Variants in IL34 observed in about 807,000 individuals in gnomAD.
IL34 encodes interleukin 34.
IL34 carries 17 observed loss-of-function variants against 25.3 expected under a neutral mutation model. The ratio of observed to expected loss-of-function variants is 0.67; its 90% CI spans 0.46 to 1.01. IL34 has a LOEUF of 1.01. IL34 is among the 50% of genes least tolerant of loss of function. IL34 has a pLI of 0.00. For synonymous variants in IL34, 174 were observed against 140.9 expected, an observed-to-expected ratio of 1.23 and a Z score of -1.66; for missense variants, 368 against 312.9, an observed-to-expected ratio of 1.18 and a Z score of -1.33.
chr16:70,583,311 C>T (rs894101468), intron 1 of IL34, among the ~76,000 whole-genome samples: 1 of 151,938 alleles, frequency 6.6e-6, no homozygotes, highest in East Asian at 1.9e-4. Context: ...TGGGGCTTCT[C>T]CATGTTGCCC....
chr16:70,589,428 C>T (rs1338596232), intron 1 of IL34, among the ~76,000 whole-genome samples: 1 of 152,022 alleles, frequency 6.6e-6, no homozygotes, highest in Non-Finnish European at 1.5e-5. Context: ...TGTCTGTTGT[C>T]CCCTCTATGT....
At chr16:70,622,119 GCTGGTCTGTTATCAGA>G (rs988348546) in intron 1 of IL34, among the ~76,000 whole-genome samples, 3 of 151,972 alleles carry the variant, frequency 2.0e-5, no homozygotes, top group Non-Finnish European at 2.9e-5. Flanking sequence ...ACTAATAAAG[GCTGGTCTGTTATCAGA>G]CTGTATAGAG....
chr16:70,629,315 C>CT (rs1339875386), intron 1 of IL34, among the ~76,000 whole-genome samples: 1 of 152,142 alleles, frequency 6.6e-6, no homozygotes, highest in Non-Finnish European at 1.5e-5. Flanking sequence ...AAATGCTGGC[C>CT]TTTATCTGAG....
intron 1 of IL34, among the ~76,000 whole-genome samples, chr16:70,626,869 C>T (rs2051405340): frequency 6.6e-6 from 1 of 152,078 alleles, no homozygotes; most frequent in African/African-American, 2.4e-5. Context: ...TTATCATGAG[C>T]TCTTTTCTCT....
intron 1 of IL34, among the ~76,000 whole-genome samples, chr16:70,633,146 G>A (rs1185009434): frequency 1.2e-4 from 18 of 147,136 alleles, no homozygotes; most frequent in Non-Finnish European, 1.5e-5. Flanking sequence ...TGTATTTTTA[G>A]TAGAGACAGG....
chr16:70,654,548 C>G lies in IL34; in HGVS notation c.39C>G (p.Ile13Met). ...RGFTWLRYLGIFLGVALGNEP... is the reference protein window; with the variant it reads ...RGFTWLRYLGMFLGVALGNEP... The stretch of plus-strand genomic sequence containing the variant: ...GGGTGTGGTCCACAGATCTTGGGAT[C>G]TTCCTTGGCGTGGCCTTGGGGAATG... The change falls in exon 2 of 6, where the codon ATC becomes ATG. Residue 13 changes from isoleucine (I) to methionine (M), a missense_variant. Transcript: ENST00000288098. The G allele has an allele frequency of 6.2e-7, 1 of 1,609,944 alleles. No individual in the cohort carries two copies. Among genetic ancestry groups the G allele is most frequent in the Non-Finnish European group, 8.5e-7 (1 of 1,176,974 alleles).
intron 1 of IL34, among the ~76,000 whole-genome samples, chr16:70,629,319 A>T (rs2051465576): frequency 6.6e-6 from 1 of 152,162 alleles, no homozygotes; most frequent in Admixed American, 6.5e-5. Flanking sequence ...GCTGGCCTTT[A>T]TCTGAGGTTG....
rs1017958043 is a variant in IL34, at chr16:70,601,365, C to T, written c.-401+21316C>T. On this transcript the variant is annotated intron_variant, in intron 1 of 6. Coordinates refer to the IL34 transcript ENST00000429149. ...CAAGGGATCCTCCCACCTCGGCCTT[C>T]CAAAGTGCTGGGATTACAGGTGTGC... Among the ~76,000 whole-genome samples the T allele has an allele frequency of 3.9e-5, 6 of 152,248 alleles. No individual in the cohort carries two copies. The South Asian group carries it at 1.2e-3, about 32-fold the overall frequency.
At chr16:70,614,522 C>A (rs1248601618) in intron 1 of IL34, among the ~76,000 whole-genome samples, 1 of 152,128 alleles carries the variant, frequency 6.6e-6, no homozygotes, top group Non-Finnish European at 1.5e-5. Flanking sequence ...GTGATGGGAG[C>A]CGAGGTTTAG....
intron 1 of IL34, among the ~76,000 whole-genome samples, chr16:70,618,650 T>G (rs1464421043): frequency 1.3e-5 from 2 of 152,144 alleles, no homozygotes; most frequent in African/African-American, 4.8e-5. Flanking sequence ...CTGGCTCTTG[T>G]GTAAGAATTC....
upstream of IL34, among the ~76,000 whole-genome samples, chr16:70,646,305 C>G (rs1356165456): frequency 6.6e-6 from 1 of 152,142 alleles, no homozygotes; most frequent in East Asian, 1.9e-4. Flanking sequence ...TGAACTCAAA[C>G]CACCTGTTCA....
intron 1 of IL34, among the ~76,000 whole-genome samples, chr16:70,598,439 A>C (rs1468532371): frequency 1.3e-5 from 2 of 152,142 alleles, no homozygotes; most frequent in African/African-American, 4.8e-5. Flanking sequence ...AACTAAAGAA[A>C]AAAAAAATCA....
upstream of IL34, among the ~76,000 whole-genome samples, chr16:70,643,000 G>C (rs926981076): frequency 6.6e-6 from 1 of 152,108 alleles, no homozygotes; most frequent in Non-Finnish European, 1.5e-5. Flanking sequence ...AAATAATGGT[G>C]ACTGTTGCAC....
At chr16:70,657,195 C>T (rs2052253869) in intron 4 of IL34, 74 bp downstream of exon 4, 5 of 1,486,024 alleles carry the variant, frequency 3.4e-6, no homozygotes, top group Non-Finnish European at 3.7e-6. Context: ...GAGGTGTGGC[C>T]AAAGGCTAGT....
At chr16:70,637,475 A>G (rs923544575) in intron 1 of IL34, among the ~76,000 whole-genome samples, 29 of 151,988 alleles carry the variant, frequency 1.9e-4, no homozygotes, top group Non-Finnish European at 3.7e-4. Flanking sequence ...CAGCCTCCCC[A>G]GCTGGGATTA....
rs746397587 is a variant in IL34, at chr16:70,659,606, C to A, written c.403-12C>A. 1 of 1,600,438 alleles carries A rather than the reference C, an allele frequency of 6.2e-7. No individual in the cohort carries two copies. Among genetic ancestry groups the A allele is most frequent in the East Asian group, 2.2e-5 (1 of 44,490 alleles). On this transcript the variant is annotated splice_polypyrimidine_tract_variant and intron_variant, in intron 4 of 5. Transcript: ENST00000288098. Reference sequence around the variant, plus strand: ...ATCTCGCCACCGCTCCTGACTGTTTCCTCCTTTCCAGGATGTGGAGGTCAG... The same window carrying A: ...ATCTCGCCACCGCTCCTGACTGTTTACTCCTTTCCAGGATGTGGAGGTCAG...
At chr16:70,634,666 C>T (rs1022244516) in intron 1 of IL34, among the ~76,000 whole-genome samples, 13 of 148,954 alleles carry the variant, frequency 8.7e-5, no homozygotes, top group Admixed American at 1.4e-4. Flanking sequence ...GGCGACAGAG[C>T]GAGATTCCGA....
At chr16:70,646,076 A>G (rs1355123071), upstream of IL34, among the ~76,000 whole-genome samples, 1 of 150,040 alleles carries the variant, frequency 6.7e-6, no homozygotes, top group Non-Finnish European at 1.5e-5. Flanking sequence ...TTTTTTCTTA[A>G]TTTTTTTTTT....
At chr16:70,580,345 G>A (rs1463498366) in intron 1 of IL34, among the ~76,000 whole-genome samples, 1 of 152,234 alleles carries the variant, frequency 6.6e-6, no homozygotes, top group Non-Finnish European at 1.5e-5. Flanking sequence ...GCCCTTCAGA[G>A]TTTAGTCAAT....
Sources: allele counts gnomAD v4.1 joint callset (sites outside exome capture counted in the v4.1 genomes callset), GRCh38; gene constraint gnomAD v4.1.1; transcripts MANE v1.5; gene names NCBI Gene and HGNC (gene_info 2026-07-23, HGNC 2026-07-21).